The following ATF6B variants were observed in gnomAD, a reference collection of about 807,000 sequenced individuals.
ATF6B encodes the protein activating transcription factor 6 beta.
ATF6B carries 50 observed loss-of-function variants against 83.5 expected under a neutral mutation model. The ratio of observed to expected loss-of-function variants is 0.60; its 90% CI spans 0.48 to 0.76. The LOEUF is 0.76. Ranked by LOEUF, ATF6B falls within the 30% of genes least tolerant of loss-of-function variation. The pLI, the probability that ATF6B is intolerant of heterozygous loss-of-function variation, is 0.00. For missense variants in ATF6B, 790 were observed against 893.8 expected (o/e 0.88, Z 1.48); for synonymous variants, 344 against 362.8 (o/e 0.95, Z 0.59).
At position 32,125,864 on chromosome 6, in the gene ATF6B, C is replaced by T. The variant is rs559534301; in HGVS notation, c.478+253G>A. 1.3e-5 allele frequency among the ~76,000 whole-genome samples: 2 copies of T among 152,276 alleles called. No individual in the cohort carries two copies. The highest frequency in any genetic ancestry group is 2.1e-4 in the South Asian group (1 of 4,820). On this transcript the variant is annotated intron_variant, in intron 5 of 17. Coordinates refer to ENST00000375203, the MANE Select transcript of ATF6B (RefSeq NM_004381.5). The surrounding 1 kb of genome is among the most constrained non-coding windows in gnomAD (Gnocchi z 4.1). ...AGTTTTTAAAAAGTAAGTTGAATGG[C>T]ATGACAGAATACTAGGAACAAGAAA...
At position 32,127,651 on chromosome 6, in the gene ATF6B, A is replaced by G. The variant is rs1782040264; in HGVS notation, c.171+20T>C. ...ACTTTCCACCCACCAAGGGTTAGAG[A>G]AAGGCTGGGGACACAATACCGGGAC... is the stretch of plus-strand genomic sequence containing the variant. On this transcript the variant is annotated intron_variant, in intron 2 of 17. Coordinates refer to ENST00000375203, the MANE Select transcript of ATF6B (RefSeq NM_004381.5). 3 of 1,614,110 alleles carry G rather than the reference A, an allele frequency of 1.9e-6. No homozygotes were observed. Among genetic ancestry groups the G allele is most frequent in the Non-Finnish European group, 2.5e-6 (3 of 1,179,968 alleles).
Position 32,119,869 on chromosome 6 carries a change from G to A in ATF6B, c.921C>T (p.Ile307=), listed in dbSNP as rs758672739. ...AGTTTCCAGGCATAGGAGCGGGAAC[G>A]ATGCTCTTCCTCTCAGGCCGTGGTA... The part of the protein sequence containing the change: ...PSLPRPERKS[I]VPAPMPGNSC... Residue 307 remains isoleucine (I), a synonymous_variant, in exon 9 of 18, where the codon ATC becomes ATT. Transcript: ENST00000375203. The surrounding 1 kb of genome is among the most constrained non-coding windows in gnomAD (Gnocchi z 4.9). 8 of 1,613,994 alleles carry A rather than the reference G, an allele frequency of 5.0e-6. No individual in the cohort carries two copies. Among genetic ancestry groups the A allele is most frequent in the Non-Finnish European group, 6.8e-6 (8 of 1,180,016 alleles).
At chr6:32,126,954 G>C in intron 4 of ATF6B, 149 bp downstream of exon 4, 2 of 526,216 alleles carry the variant, frequency 3.8e-6, no homozygotes, top group Non-Finnish European at 3.1e-6. Context: ...TAAGGAAACG[G>C]CAAAGGTAGT....
chr6:32,115,720 T>G lies in ATF6B; in HGVS notation c.*19A>C. 1 of 1,560,746 alleles carries G rather than the reference T, an allele frequency of 6.4e-7. No homozygotes were observed. The highest frequency in any genetic ancestry group is 1.2e-5 in the South Asian group (1 of 81,878). ...TGGTACCCCCTCCCCCCGTTCTAAG[T>G]CAGTGTGAATGGCAGAGGTCAGGGA... On this transcript the variant is annotated 3_prime_UTR_variant, in exon 18 of 18. Coordinates refer to ENST00000375203, the MANE Select transcript of ATF6B (RefSeq NM_004381.5).
intron 1 of ATF6B, 130 bp downstream of exon 1, chr6:32,127,987 G>T: frequency 8.9e-7 from 1 of 1,127,660 alleles, no homozygotes; most frequent in Non-Finnish European, 1.3e-6. Context: ...TGCACAACGA[G>T]CCCCCTGCTC....
Position 32,119,698 on chromosome 6 carries a change from G to C in ATF6B, c.966+126C>G. The C allele has an allele frequency of 7.4e-7, 1 of 1,351,338 alleles. No individual in the cohort carries two copies. Among genetic ancestry groups the C allele is most frequent in the Non-Finnish European group, 1.0e-6 (1 of 985,530 alleles). 83.7% of individuals were successfully genotyped at this position (1,351,338 alleles called of 1,614,324 possible). Reference sequence around the variant, plus strand: ...ATTCTGACCCTCAGAATGATCTAATGGGTCCGTTTCCTCACTTTTTTCTCC... The same window carrying C: ...ATTCTGACCCTCAGAATGATCTAATCGGTCCGTTTCCTCACTTTTTTCTCC... On this transcript the variant is annotated intron_variant, in intron 9 of 17. Transcript: ENST00000375203. The surrounding 1 kb of genome is among the most constrained non-coding windows in gnomAD (Gnocchi z 4.9).
chr6:32,119,725 A>G lies in ATF6B; in HGVS notation c.966+99T>C. ...GTCCGTTTCCTCACTTTTTTCTCCT[A>G]GGTATCGACTCCCTCCTCATCCCAC... On this transcript the variant is annotated intron_variant, in intron 9 of 17. Coordinates refer to ENST00000375203, the MANE Select transcript of ATF6B (RefSeq NM_004381.5). The surrounding 1 kb of genome is among the most constrained non-coding windows in gnomAD (Gnocchi z 4.9). 30 of 1,507,848 alleles carry G rather than the reference A, an allele frequency of 2.0e-5. No homozygotes were observed. The highest frequency in any genetic ancestry group is 2.7e-5 in the Non-Finnish European group (30 of 1,118,338). The allele number at this position is 1,507,848 out of a possible 1,614,324, so 93.4% of individuals were successfully genotyped here. A position where few individuals can be genotyped will look rare whatever the true frequency, so the allele number is the denominator to read the frequency against.
Position 32,125,629 on chromosome 6 carries a change from T to C in ATF6B, c.478+488A>G, listed in dbSNP as rs1033944199. Among the ~76,000 whole-genome samples, 8 of 151,912 alleles carry C rather than the reference T, an allele frequency of 5.3e-5. No homozygotes were observed. Among genetic ancestry groups the C allele is most frequent in the African/African-American group, 1.9e-4 (8 of 41,318 alleles). ...ACAAAAAATTAGCTGGGCGTGGTGG[T>C]GGGTGCCTGTAATCCCAGCTACTTG... On this transcript the variant is annotated intron_variant, in intron 5 of 17. Transcript: ENST00000375203. This position sits in a 1 kb window ranked among gnomAD's most constrained non-coding sequence, Gnocchi z 4.1.
rs777947778 is a variant in ATF6B, at chr6:32,118,738, C to T, written c.1244+37G>A. 3 of 1,602,378 alleles carry T rather than the reference C, an allele frequency of 1.9e-6. No homozygotes were observed. The highest frequency in any genetic ancestry group is 1.1e-5 in the South Asian group (1 of 90,804). On this transcript the variant is annotated intron_variant, in intron 11 of 17. Transcript: ENST00000375203. This position sits in a 1 kb window ranked among gnomAD's most constrained non-coding sequence, Gnocchi z 5.2. ...AGCTAGGAGGCTGTAACGTGGGCTC[C>T]ACCTGGAAGGTTCTAGTGAAGCAAG...
chr6:32,116,682 T>C lies in ATF6B; in HGVS notation c.1797+22A>G. On this transcript the variant is annotated intron_variant, in intron 16 of 17. Transcript: ENST00000375203. This position sits in a 1 kb window ranked among gnomAD's most constrained non-coding sequence, Gnocchi z 5.1. ...TGCTGGGAACCTGGGGTGACAGAGA[T>C]GGAAGGGCAGGAGAAACTCACCCTT... 1 of 1,610,968 alleles carries C rather than the reference T, an allele frequency of 6.2e-7. No individual in the cohort carries two copies. Among genetic ancestry groups the C allele is most frequent in the Non-Finnish European group, 8.5e-7 (1 of 1,177,178 alleles).
At position 32,117,575 on chromosome 6, in the gene ATF6B, T is replaced by C. The variant is rs1485137464; in HGVS notation, c.1532+12A>G. 6.2e-7 allele frequency: 1 copy of C among 1,613,048 alleles called. No homozygotes were observed. Among genetic ancestry groups the C allele is most frequent in the African/African-American group, 1.3e-5 (1 of 74,980 alleles). ...CCGGGGGAGCTGGATGCCCCAGCAA[T>C]GAATCCCACACCTCAGGGACTCAGT... On this transcript the variant is annotated intron_variant, in intron 13 of 17. Transcript: ENST00000375203. The surrounding 1 kb of genome is among the most constrained non-coding windows in gnomAD (Gnocchi z 5.0).
At chr6:32,123,443 G>T (rs1308039531) in intron 5 of ATF6B, among the ~76,000 whole-genome samples, 1 of 152,048 alleles carries the variant, frequency 6.6e-6, no homozygotes. Context: ...GCTGCTAATA[G>T]CAGTGGGCGA....
In ATF6B at chr6:32,127,688, G is replaced by A. The variant is rs17201623; in HGVS notation, c.154C>T (p.Pro52Ser). Reference protein sequence around the residue: ...AEEQTQLFRCPEQDVPFDGSS... With the variant: ...AEEQTQLFRCSEQDVPFDGSS... The stretch of plus-strand genomic sequence containing the variant: ...CACAATACCGGGACATCCTGCTCCG[G>A]GCAACGGAAGAGCTGCGTCTGCTCC... The change falls in exon 2 of 18, where the codon CCG (proline) becomes TCG (serine). Residue 52 changes from proline (P) to serine (S), a missense_variant. Coordinates refer to ENST00000375203, the MANE Select transcript of ATF6B (RefSeq NM_004381.5). The A allele has an allele frequency of 1.4e-3, 2,247 of 1,614,190 alleles. 2 individuals are homozygous for A. Among genetic ancestry groups the A allele is most frequent in the African/African-American group, 2.9e-3 (214 of 75,046 alleles).
rs572621235 is a variant in ATF6B at position 32,116,643 on chromosome 6, C to A, written c.1797+61G>T. The A allele has an allele frequency of 3.7e-6, 6 of 1,605,254 alleles. No individual in the cohort carries two copies. The highest frequency in any genetic ancestry group is 2.2e-5 in the South Asian group (2 of 90,832). On this transcript the variant is annotated intron_variant, in intron 16 of 17. Coordinates refer to ENST00000375203, the MANE Select transcript of ATF6B (RefSeq NM_004381.5). The surrounding 1 kb of genome is among the most constrained non-coding windows in gnomAD (Gnocchi z 5.1). ...TCCCCAGCCCTACTCTACATCCCCC[C>A]ACTGAAGACAGACTGCTGGGAACCT...
In ATF6B at chr6:32,117,802, GGGA is replaced by G. The variant is rs1781591027; in HGVS notation, c.1424+54_1424+56del. 1 of 1,565,926 alleles carries G rather than the reference GGGA, an allele frequency of 6.4e-7. No homozygotes were observed. Among genetic ancestry groups the G allele is most frequent in the African/African-American group, 1.4e-5 (1 of 73,806 alleles). ...CTTTGGGTCCCCCTCACTGAAAGCGGGGAGAAGACCAACTCATACCCTCAAACG... is the reference window on the plus strand; with the variant it reads ...CTTTGGGTCCCCCTCACTGAAAGCGGGAAGACCAACTCATACCCTCAAACG... On this transcript the variant is annotated intron_variant, in intron 12 of 17. Transcript: ENST00000375203. The surrounding 1 kb of genome is among the most constrained non-coding windows in gnomAD (Gnocchi z 5.0).
rs1350148412 is a variant in ATF6B at position 32,125,626 on chromosome 6, TG to T, written c.478+490del. 6.6e-6 allele frequency among the ~76,000 whole-genome samples: 1 copy of T among 152,036 alleles called. No individual in the cohort carries two copies. The highest frequency in any genetic ancestry group is 1.5e-5 in the Non-Finnish European group (1 of 68,012). On this transcript the variant is annotated intron_variant, in intron 5 of 17. Coordinates refer to ENST00000375203, the MANE Select transcript of ATF6B (RefSeq NM_004381.5). This position sits in a 1 kb window ranked among gnomAD's most constrained non-coding sequence, Gnocchi z 4.1. ...AATACAAAAAATTAGCTGGGCGTGG[TG>T]GTGGGTGCCTGTAATCCCAGCTACT...
intron 5 of ATF6B, among the ~76,000 whole-genome samples, chr6:32,123,346 C>T (rs1478100687): frequency 2.6e-5 from 4 of 151,970 alleles, no homozygotes; most frequent in African/African-American, 9.7e-5. Context: ...AAGTACAGGC[C>T]CTCAAAAAAT....
At position 32,115,434 on chromosome 6, in the gene ATF6B, A is replaced by G. The variant is rs188881757; in HGVS notation, c.*305T>C. The G allele has an allele frequency of 4.6e-5, 12 of 261,314 alleles. No homozygotes were observed. The East Asian group carries it at 8.0e-4, about 17-fold the overall frequency. 16.2% of individuals were successfully genotyped at this position (261,314 alleles called of 1,614,324 possible). ...ACTAAATTCCCACCTCCACTGCCAT[A>G]ACACTAGAGAAACAAAATAAAAAAT... On this transcript the variant is annotated 3_prime_UTR_variant, in exon 18 of 18. Transcript: ENST00000375203.
rs923148191 is a variant in ATF6B at position 32,127,499 on chromosome 6, C to T, written c.193G>A (p.Val65Met). 4 of 1,613,406 alleles carry T rather than the reference C, an allele frequency of 2.5e-6. No individual in the cohort carries two copies. The highest frequency in any genetic ancestry group is 1.1e-5 in the South Asian group (1 of 91,016). ...TCAGAGGGGCTGACATCCATCCCCACGTCCAGGGAGCTGCCGTCAAACTAA... is the reference window on the plus strand; with the variant it reads ...TCAGAGGGGCTGACATCCATCCCCATGTCCAGGGAGCTGCCGTCAAACTAA... ...DVPFDGSSLD[V>M]GMDVSPSEPP... The change falls in exon 3 of 18, where the codon GTG becomes ATG. Residue 65 changes from valine (V) to methionine (M), a missense_variant. Physicochemically the swap from Val to Met is conservative, Grantham distance 21. Around this residue, in one of 3 missense-constraint regions of ATF6B, gnomAD observed 253 missense variants for 243.1 expected, o/e 1.04. Transcript: ENST00000375203.
Sources: allele counts gnomAD v4.1 joint callset (sites outside exome capture counted in the v4.1 genomes callset), GRCh38; gene constraint gnomAD v4.1.1; regional missense constraint gnomAD v4.1.1; non-coding constraint Gnocchi (gnomAD v3.1); transcripts MANE v1.5; gene names NCBI Gene and HGNC (gene_info 2026-07-23, HGNC 2026-07-21).